OTOA: variants seen among roughly 807,000 people sequenced by gnomAD.
OTOA encodes the protein cancer/testis antigen 108.
Under a neutral mutation model 110.8 loss-of-function variants are expected in OTOA, and 70 were observed. The observed-to-expected ratio is 0.63, with a 90% confidence interval of 0.52 to 0.77. The LOEUF (loss-of-function observed/expected upper bound fraction) is 0.77. Among genes scored for constraint, OTOA ranks in the 30% least tolerant of loss-of-function variants. The pLI, the probability that OTOA is intolerant of heterozygous loss-of-function variation, is 0.00. For missense variants in OTOA, 917 were observed against 1,075.8 expected (o/e 0.85, Z 2.06); for synonymous variants, 373 against 431.5 (o/e 0.86, Z 1.68).
intron 9 of OTOA, among the ~76,000 whole-genome samples, chr16:21,693,663 C>A (rs1400781436): frequency 6.6e-6 from 1 of 152,114 alleles, no homozygotes; most frequent in Non-Finnish European, 1.5e-5. Flanking sequence ...CTCACTGCAA[C>A]CTCTGCCTCC....
chr16:21,694,915 C>A (rs1897900922), intron 9 of OTOA, among the ~76,000 whole-genome samples: 1 of 152,152 alleles, frequency 6.6e-6, no homozygotes, highest in South Asian at 2.1e-4. Flanking sequence ...CATGAGAAAG[C>A]CTCTCTACCT....
At position 21,685,085 on chromosome 16, in the gene OTOA, T is replaced by C. The variant is rs190511327; in HGVS notation, c.268-145T>C. 7 of 1,142,444 alleles carry C rather than the reference T, an allele frequency of 6.1e-6. No individual in the cohort carries two copies. In the East Asian group the frequency reaches 8.0e-5, roughly 13 times the overall value. The allele number at this position is 1,142,444 out of a possible 1,614,324, so 70.8% of individuals were successfully genotyped here. ...AAATGTTGGCGGCTAATGAGGAAATTTGGAGGTGGCCAAACCAGACTGCTG... is the reference window on the plus strand; with the variant it reads ...AAATGTTGGCGGCTAATGAGGAAATCTGGAGGTGGCCAAACCAGACTGCTG... On this transcript the variant is annotated intron_variant, in intron 6 of 28. Coordinates refer to ENST00000646100, the MANE Select transcript of OTOA (RefSeq NM_144672.4).
At chr16:21,685,188 C>A in intron 6 of OTOA, 42 bp from the exon 7 acceptor site, 1 of 1,606,896 alleles carries the variant, frequency 6.2e-7, no homozygotes, top group Non-Finnish European at 8.5e-7. Flanking sequence ...TGTGCTCCTG[C>A]TCTTTCTGTT....
intron 6 of OTOA, 65 bp downstream of exon 6, chr16:21,681,890 C>A: frequency 6.7e-7 from 1 of 1,484,726 alleles, no homozygotes; most frequent in Non-Finnish European, 9.4e-7. Context: ...ACTCAGGGGC[C>A]AGGTAAGTTG....
chr16:21,717,183 GT>G (rs1362267493), intron 15 of OTOA, 136 bp downstream of exon 15: 1 of 1,319,300 alleles, frequency 7.6e-7, no homozygotes, highest in Non-Finnish European at 1.1e-6. Context: ...ATAGTATAGT[GT>G]TAAGAATTTG....
At chr16:21,703,696 G>C (rs1898097990) in intron 11 of OTOA, among the ~76,000 whole-genome samples, 1 of 152,134 alleles carries the variant, frequency 6.6e-6, no homozygotes, top group African/African-American at 2.4e-5. Context: ...GGACCTGGCA[G>C]CTCTCCTGTG....
rs369405185 is a variant in OTOA, at chr16:21,728,244, G to A, written c.2020G>A (p.Asp674Asn). ...VLRKVQQCLD[D>N]SIADEYTVDI... ...TGGCTCCACTTTTTGGGTTCAGGAC[G>A]ACTCCATTGCTGATGAGTACACTGT... The change falls in exon 20 of 29, where the codon GAC becomes AAC. Residue 674 changes from aspartate to asparagine, a missense_variant. Transcript: ENST00000646100. 3.9e-5 allele frequency: 63 copies of A among 1,614,122 alleles called. No individual in the cohort carries two copies. In the African/African-American group the frequency reaches 6.1e-4, roughly 16 times the overall value.
At chr16:21,702,055 T>A (rs1942624996) in intron 11 of OTOA, among the ~76,000 whole-genome samples, 1 of 149,562 alleles carries the variant, frequency 6.7e-6, no homozygotes, top group African/African-American at 2.5e-5. Context: ...ATTCAAGAGA[T>A]CCTCCTGCCT....
intron 10 of OTOA, among the ~76,000 whole-genome samples, chr16:21,698,174 T>C (rs982620293): frequency 6.6e-6 from 1 of 152,112 alleles, no homozygotes; most frequent in African/African-American, 2.4e-5. Context: ...GAACCAAAAA[T>C]CATTTAAGGG....
chr16:21,699,531 G>T (rs1383945795), intron 10 of OTOA, among the ~76,000 whole-genome samples: 1 of 152,082 alleles, frequency 6.6e-6, no homozygotes, highest in Non-Finnish European at 1.5e-5. Context: ...CAGCTACTTG[G>T]GAGGCTGAGG....
At chr16:21,724,964 G>C (rs1057207654) in intron 18 of OTOA, among the ~76,000 whole-genome samples, 1 of 151,936 alleles carries the variant, frequency 6.6e-6, no homozygotes, top group African/African-American at 2.4e-5. Context: ...TTTTGGTAGA[G>C]ACAGGGTTTC....
chr16:21,698,554 T>C (rs1897989261), intron 10 of OTOA, among the ~76,000 whole-genome samples: 1 of 152,144 alleles, frequency 6.6e-6, no homozygotes, highest in Admixed American at 6.6e-5. Flanking sequence ...CTTCTTCTTC[T>C]TTTTTAAGTC....
Position 21,691,654 on chromosome 16 carries a change from A to T in OTOA, c.706A>T (p.Thr236Ser). ...CCAGAGAGCTCTCTATTCCTGGATG[A>T]CTGGAATACTGCAGACATCCTCCAA... The part of the protein sequence containing the change: ...HSQRALYSWM[T>S]GILQTSSNAT... Residue 236 changes from threonine (T) to serine (S), a missense_variant, in exon 9 of 29, where the codon ACT becomes TCT. By Grantham distance (58) the Thr-to-Ser change is moderately conservative (BLOSUM62 1). Transcript: ENST00000646100. 1 of 1,613,834 alleles carries T rather than the reference A, an allele frequency of 6.2e-7. No individual in the cohort carries two copies. The highest frequency in any genetic ancestry group is 1.1e-5 in the South Asian group (1 of 91,060).
chr16:21,716,052 G>A (rs547072544), intron 14 of OTOA, among the ~76,000 whole-genome samples: 19 of 151,338 alleles, frequency 1.3e-4, no homozygotes, highest in African/African-American at 4.6e-4. Context: ...TGGGACTACA[G>A]GCCTGTGCTG....
At chr16:21,726,829 G>C (rs1898933612) in intron 19 of OTOA, among the ~76,000 whole-genome samples, 171 bp downstream of exon 19, 1 of 151,998 alleles carries the variant, frequency 6.6e-6, no homozygotes, top group Non-Finnish European at 1.5e-5. Context: ...TTTTCCATTG[G>C]TTCTGGAGAC....
At chr16:21,705,331 G>GT in intron 12 of OTOA, 39 bp downstream of exon 12, 1 of 1,612,884 alleles carries the variant, frequency 6.2e-7, no homozygotes, top group Non-Finnish European at 8.5e-7. Context: ...CTCTGCCTCA[G>GT]TGTCACTAGC....
intron 20 of OTOA, 34 bp from the exon 21 acceptor site, chr16:21,730,803 T>C (rs538890320): frequency 1.6e-6 from 2 of 1,228,708 alleles, no homozygotes; most frequent in African/African-American, 2.9e-5. Flanking sequence ...CCACAGCATG[T>C]TTTTTCACTT....
At chr16:21,670,447 C>G (rs1966847537) in intron 1 of OTOA, among the ~76,000 whole-genome samples, 1 of 152,098 alleles carries the variant, frequency 6.6e-6, no homozygotes, top group Non-Finnish European at 1.5e-5. Context: ...TAAATGTCAC[C>G]TCCTCAGGTC....
chr16:21,731,327 T>C (rs921791009), intron 21 of OTOA, among the ~76,000 whole-genome samples: 3 of 152,240 alleles, frequency 2.0e-5, no homozygotes, highest in Non-Finnish European at 4.4e-5. Context: ...AAGTCTTTAT[T>C]GATCATTACA....
Sources: gnomAD v4.1 joint callset for allele counts (sites outside exome capture counted in the v4.1 genomes callset) on GRCh38, gnomAD v4.1.1 for gene constraint, MANE v1.5 for transcripts, NCBI Gene and HGNC (gene_info 2026-07-23, HGNC 2026-07-21) for gene names.